IL4R: variants seen among roughly 807,000 people sequenced by gnomAD.
IL4R encodes interleukin-4 receptor subunit alpha.
Under a neutral mutation model 41.5 loss-of-function variants are expected in IL4R, and 17 were observed. The ratio of observed to expected loss-of-function variants is 0.41; its 90% CI spans 0.28 to 0.61. IL4R has a LOEUF of 0.61. Among genes scored for constraint, IL4R ranks in the 20% least tolerant of loss-of-function variants. The pLI, the probability that IL4R is intolerant of heterozygous loss-of-function variation, is 0.31. For synonymous variants in IL4R, 402 were observed against 422.9 expected (o/e 0.95, Z 0.61); for missense variants, 974 against 1,043.1 (o/e 0.93, Z 0.91).
intron 1 of IL4R, among the ~76,000 whole-genome samples, chr16:27,325,519 A>C (rs1726567100): frequency 6.6e-6 from 1 of 151,946 alleles, no homozygotes; most frequent in African/African-American, 2.4e-5. Flanking sequence ...GGTTGCAGTG[A>C]ACTGAGATCC....
chr16:27,330,797 C>T (rs908768283), intron 2 of IL4R, among the ~76,000 whole-genome samples: 9 of 152,000 alleles, frequency 5.9e-5, no homozygotes, highest in African/African-American at 2.2e-4. Context: ...AATGGAGTCA[C>T]GGGGTGTGTA....
chr16:27,322,294 A>AT, intron 1 of IL4R, among the ~76,000 whole-genome samples: 1 of 151,978 alleles, frequency 6.6e-6, no homozygotes, highest in East Asian at 1.9e-4. Context: ...GAATTGTTGC[A>AT]TTTTCCCGAG....
intron 1 of IL4R, among the ~76,000 whole-genome samples, chr16:27,328,583 T>A (rs144764045): frequency 6.6e-6 from 1 of 152,280 alleles, no homozygotes; most frequent in African/African-American, 2.4e-5. Flanking sequence ...AATATATGTT[T>A]ATTGTACACA....
chr16:27,328,829 C>G (rs2141085723), intron 1 of IL4R, among the ~76,000 whole-genome samples: 1 of 152,202 alleles, frequency 6.6e-6, no homozygotes, highest in South Asian at 2.1e-4. Flanking sequence ...TTTTGTGAAC[C>G]ATTTATGTTC....
intron 9 of IL4R, among the ~76,000 whole-genome samples, chr16:27,360,069 C>A (rs868593833): frequency 1.5e-4 from 23 of 151,228 alleles, no homozygotes; most frequent in Non-Finnish European, 1.6e-4. Flanking sequence ...CCCAGGAGTG[C>A]AATGGCGTGA....
At chr16:27,343,221 A>T (rs1439450086) in intron 4 of IL4R, among the ~76,000 whole-genome samples, 1 of 152,246 alleles carries the variant, frequency 6.6e-6, no homozygotes, top group Non-Finnish European at 1.5e-5. Context: ...GTTCACCAGT[A>T]AAGGTGGTAT....
rs1169250902 is a variant in IL4R, at chr16:27,363,237, G to T, written c.1885G>T (p.Glu629Ter). The T allele has an allele frequency of 3.1e-6, 5 of 1,606,544 alleles. No homozygotes were observed. Among genetic ancestry groups the T allele is most frequent in the Non-Finnish European group, 3.4e-6 (4 of 1,175,964 alleles). Residue 629 changes from glutamate (E) to a stop codon, truncating the protein, a stop_gained, in exon 11 of 11, where the codon GAG becomes TAG. Transcript: ENST00000395762. LOFTEE classifies it low-confidence loss of function (END_TRUNC). ...TGGGTTTGGGGCTAGCAGTGGGGAAGAGGGGTATAAGCCTTTCCAAGACCT... is the reference window on the plus strand; with the variant it reads ...TGGGTTTGGGGCTAGCAGTGGGGAATAGGGGTATAAGCCTTTCCAAGACCT... ...KCGFGASSGE[E>*]GYKPFQDLIP...
At chr16:27,355,715 G>A (rs1330020488) in intron 7 of IL4R, 93 bp from the exon 8 acceptor site, 7 of 814,416 alleles carry the variant, frequency 8.6e-6, no homozygotes, top group African/African-American at 3.4e-5. Context: ...GGTCTCGGAC[G>A]AGGGTCCTGA....
intron 1 of IL4R, 113 bp from the exon 2 acceptor site, chr16:27,329,953 G>A (rs1187707231): frequency 6.6e-6 from 1 of 151,994 alleles, no homozygotes; most frequent in Non-Finnish European, 1.5e-5. Context: ...CCAGGGCTGA[G>A]GCCAATGGAG....
At chr16:27,334,023 C>T (rs957779861) in intron 2 of IL4R, among the ~76,000 whole-genome samples, 10 of 152,060 alleles carry the variant, frequency 6.6e-5, no homozygotes, top group Non-Finnish European at 1.3e-4. Context: ...GCTGGGACTA[C>T]AGGCACCCGC....
Position 27,352,647 on chromosome 16 carries a change from C to T in IL4R, c.621C>T (p.Cys207=), listed in dbSNP as rs1431659890. Residue 207 remains cysteine, a synonymous_variant, in exon 7 of 11, where the codon TGC becomes TGT. Coordinates refer to ENST00000395762, the MANE Select transcript of IL4R (RefSeq NM_000418.4). ...CACGGGTGAGGGCCTGGGCTCAGTG[C>T]TATAACACCACCTGGAGTGAGTGGA... The part of the protein sequence containing the change: ...YRARVRAWAQ[C]YNTTWSEWSP... 1 of 1,614,084 alleles carries T rather than the reference C, an allele frequency of 6.2e-7. No homozygotes were observed. Among genetic ancestry groups the T allele is most frequent in the Non-Finnish European group, 8.5e-7 (1 of 1,180,032 alleles).
At chr16:27,341,117 A>T (rs1448875838) in intron 3 of IL4R, 11 of 690,170 alleles carry the variant, frequency 1.6e-5, no homozygotes, top group Middle Eastern at 2.3e-4. Flanking sequence ...GGAAGCCAGG[A>T]GGTCTGGAGG....
In IL4R at chr16:27,319,758, C is replaced by T. The variant is rs187005515; in HGVS notation, c.-152+5738C>T. 8.1e-4 allele frequency among the ~76,000 whole-genome samples: 124 copies of T among 152,298 alleles called. 2 individuals are homozygous for T. Among genetic ancestry groups the T allele is most frequent in the Middle Eastern group, 3.4e-3 (1 of 294 alleles). Reference sequence around the variant, plus strand: ...GTATTTACAGCTGCTCCCCATCGCTCGCATTACCACCCAAGCTCGGCCACC... The same window carrying T: ...GTATTTACAGCTGCTCCCCATCGCTTGCATTACCACCCAAGCTCGGCCACC... On this transcript the variant is annotated intron_variant, in intron 1 of 10. Coordinates refer to ENST00000395762, the MANE Select transcript of IL4R (RefSeq NM_000418.4).
intron 2 of IL4R, among the ~76,000 whole-genome samples, chr16:27,339,410 G>A (rs967544511): frequency 6.6e-6 from 1 of 152,104 alleles, no homozygotes; most frequent in Admixed American, 6.6e-5. Context: ...ACTTTAAAGT[G>A]TTCCGGTCAC....
intron 7 of IL4R, among the ~76,000 whole-genome samples, 175 bp downstream of exon 7, chr16:27,352,871 C>T: frequency 6.6e-6 from 1 of 152,178 alleles, no homozygotes; most frequent in Non-Finnish European, 1.5e-5. Context: ...GGCTAGGCTG[C>T]AGTAACAAAC....
intron 4 of IL4R, among the ~76,000 whole-genome samples, chr16:27,343,293 G>A (rs754365868): frequency 7.2e-5 from 11 of 152,258 alleles, no homozygotes; most frequent in Non-Finnish European, 1.3e-4. Flanking sequence ...TCCAGGGATT[G>A]GCAAACTATG....
chr16:27,338,249 T>TA (rs1041662515), intron 2 of IL4R, among the ~76,000 whole-genome samples: 4 of 151,704 alleles, frequency 2.6e-5, no homozygotes, highest in African/African-American at 9.7e-5. Flanking sequence ...CTTTTTTTTT[T>TA]ATGACAGGGT....
intron 2 of IL4R, among the ~76,000 whole-genome samples, chr16:27,336,937 G>A (rs1206853730): frequency 1.3e-5 from 2 of 151,906 alleles, no homozygotes; most frequent in Admixed American, 6.6e-5. Flanking sequence ...AATTAGTTGG[G>A]TGTGTGGCCC....
Position 27,350,395 on chromosome 16 carries a change from A to G in IL4R, c.514-2145A>G, listed in dbSNP as rs574744747. ...CACCCCACCCTCAGCTCCCTCTGTA[A>G]TAGGAAAATCTCTGAACTCTCTGTA... On this transcript the variant is annotated intron_variant, in intron 6 of 10. Transcript: ENST00000395762. 1.0e-3 allele frequency among the ~76,000 whole-genome samples: 154 copies of G among 152,152 alleles called. 2 individuals carry two copies. In the South Asian group the frequency reaches 0.032, roughly 31 times the overall value.
Sources: gnomAD v4.1 joint callset for allele counts (sites outside exome capture counted in the v4.1 genomes callset) on GRCh38, gnomAD v4.1.1 for gene constraint, MANE v1.5 for transcripts, NCBI Gene and HGNC (gene_info 2026-07-23, HGNC 2026-07-21) for gene names.